COL23A1: variants seen among roughly 807,000 people sequenced by gnomAD.
COL23A1 encodes the protein collagen alpha-1(XXIII) chain.
In COL23A1, 97 loss-of-function variants were observed where a neutral mutation model predicts 99.3. The ratio of observed to expected loss-of-function variants is 0.98; its 90% CI spans 0.83 to 1.16. COL23A1 has a LOEUF of 1.16. Ranked by LOEUF, COL23A1 falls within the 50% of genes most tolerant of loss-of-function variation. The pLI, the probability that COL23A1 is intolerant of heterozygous loss-of-function variation, is 0.00. For synonymous variants in COL23A1, 320 were observed against 308.2 expected (o/e 1.04, Z -0.40); for missense variants, 762 against 757.4 (o/e 1.01, Z -0.07).
chr5:178,383,733 GC>G (rs912572261), intron 2 of COL23A1, among the ~76,000 whole-genome samples: 29 of 152,186 alleles, frequency 1.9e-4, no homozygotes, highest in Non-Finnish European at 2.9e-4. Context: ...TTAGCCGGGA[GC>G]CCCCTGGGGT....
rs566725717 is a variant in COL23A1 at position 178,527,548 on chromosome 5, C to A, written c.361+33134G>T. Among the ~76,000 whole-genome samples the A allele has an allele frequency of 3.7e-4, 56 of 152,360 alleles. No individual in the cohort carries two copies. In the South Asian group the frequency reaches 0.011, roughly 31 times the overall value. On this transcript the variant is annotated intron_variant, in intron 2 of 28. Coordinates refer to ENST00000390654, the MANE Select transcript of COL23A1 (RefSeq NM_173465.4). ...GCCCGGGTGGATGGTGTGTCCCAAG[C>A]TTGCCTGGGCACAGCACCACGTACA... is the stretch of plus-strand genomic sequence containing the variant.
intron 2 of COL23A1, among the ~76,000 whole-genome samples, chr5:178,364,512 C>T (rs1762357415): frequency 6.7e-6 from 1 of 149,094 alleles, no homozygotes; most frequent in Non-Finnish European, 1.5e-5. Flanking sequence ...GGAGCTTGTT[C>T]ATCTGGTGGA....
intron 2 of COL23A1, among the ~76,000 whole-genome samples, chr5:178,545,073 G>GTCC (rs1180022631): frequency 6.6e-6 from 1 of 151,738 alleles, no homozygotes; most frequent in Non-Finnish European, 1.5e-5. Context: ...AACCGAGTGA[G>GTCC]ATCCTGACTC....
chr5:178,448,828 A>G (rs1767318080), intron 2 of COL23A1, among the ~76,000 whole-genome samples: 1 of 151,726 alleles, frequency 6.6e-6, no homozygotes, highest in African/African-American at 2.4e-5. Flanking sequence ...ACCTCACCCC[A>G]CGAGGATCAG....
intron 2 of COL23A1, among the ~76,000 whole-genome samples, chr5:178,480,783 G>A (rs991866035): frequency 6.6e-6 from 1 of 152,136 alleles, no homozygotes; most frequent in African/African-American, 2.4e-5. Flanking sequence ...CTTTTCACAG[G>A]TTGGACTGTG....
chr5:178,281,015 T>G lies in COL23A1; in HGVS notation c.441+7309A>C, dbSNP rs1226486395. Reference sequence around the variant, plus strand: ...GACAAGAGGCTGGACTCAAGAGACTTAGGGCCCTGGGGAGAACGGCCAGCA... The same window carrying G: ...GACAAGAGGCTGGACTCAAGAGACTGAGGGCCCTGGGGAGAACGGCCAGCA... On this transcript the variant is annotated intron_variant, in intron 5 of 28. Coordinates refer to ENST00000390654, the MANE Select transcript of COL23A1 (RefSeq NM_173465.4). The surrounding 1 kb of genome is among the most constrained non-coding windows in gnomAD (Gnocchi z 4.0). Among the ~76,000 whole-genome samples the G allele has an allele frequency of 6.6e-6, 1 of 152,076 alleles. No individual in the cohort carries two copies. Among genetic ancestry groups the G allele is most frequent in the African/African-American group, 2.4e-5 (1 of 41,426 alleles).
intron 2 of COL23A1, among the ~76,000 whole-genome samples, chr5:178,530,083 G>A (rs480768): frequency 0.026 from 4,023 of 152,282 alleles, 172 homozygotes; most frequent in African/African-American, 0.091. Context: ...TCAGCGTGAA[G>A]GAATAGGAAC....
intron 13 of COL23A1, among the ~76,000 whole-genome samples, chr5:178,257,310 G>A (rs931137210): frequency 3.3e-5 from 5 of 152,204 alleles, no homozygotes; most frequent in African/African-American, 1.2e-4. Flanking sequence ...GAAACAAGAG[G>A]GCTTGAGGGA....
At chr5:178,319,832 G>A (rs1434057604) in intron 2 of COL23A1, among the ~76,000 whole-genome samples, 1 of 152,208 alleles carries the variant, frequency 6.6e-6, no homozygotes, top group Non-Finnish European at 1.5e-5. Flanking sequence ...GTCAGTCTTA[G>A]GCAAACTGGA....
Position 178,310,286 on chromosome 5 carries a change from G to T in COL23A1, c.362-3367C>A, listed in dbSNP as rs533570462. Reference sequence around the variant, plus strand: ...GGAGCCGCAGGAGTGGGGGCAGGACGGACGGCCTCTCCTGAGTCTCTGGAC... The same window carrying T: ...GGAGCCGCAGGAGTGGGGGCAGGACTGACGGCCTCTCCTGAGTCTCTGGAC... On this transcript the variant is annotated intron_variant, in intron 2 of 28. Coordinates refer to ENST00000390654, the MANE Select transcript of COL23A1 (RefSeq NM_173465.4). The surrounding 1 kb of genome is among the most constrained non-coding windows in gnomAD (Gnocchi z 4.3). Among the ~76,000 whole-genome samples the T allele has an allele frequency of 2.6e-5, 4 of 152,196 alleles. No individual in the cohort carries two copies. The highest frequency in any genetic ancestry group is 5.9e-5 in the Non-Finnish European group (4 of 68,044).
intron 12 of COL23A1, among the ~76,000 whole-genome samples, chr5:178,258,396 T>G (rs1765445219): frequency 3.0e-5 from 3 of 100,216 alleles, no homozygotes; most frequent in African/African-American, 1.1e-4. Context: ...TGGGAGAGGT[T>G]TTTTTTTTTT....
intron 3 of COL23A1, among the ~76,000 whole-genome samples, chr5:178,295,302 A>T (rs1757681757): frequency 6.6e-6 from 1 of 152,254 alleles, no homozygotes; most frequent in Non-Finnish European, 1.5e-5. Context: ...AGTAGAAACA[A>T]GATATCCAAA....
At chr5:178,416,319 C>A (rs1765307173) in intron 2 of COL23A1, among the ~76,000 whole-genome samples, 1 of 152,138 alleles carries the variant, frequency 6.6e-6, no homozygotes, top group Admixed American at 6.5e-5. Context: ...AAGAGACAGC[C>A]CTGCAGCTGG....
intron 1 of COL23A1, chr5:178,561,760 A>C (rs1762571226): frequency 5.6e-6 from 1 of 179,252 alleles, no homozygotes; most frequent in Non-Finnish European, 1.2e-5. Flanking sequence ...CCACCATGAG[A>C]ACCGAGGGCT....
At chr5:178,351,697 C>T (rs149220850) in intron 2 of COL23A1, among the ~76,000 whole-genome samples, 61 of 152,312 alleles carry the variant, frequency 4.0e-4, no homozygotes, top group African/African-American at 1.4e-3. Context: ...TCTTGGTGCA[C>T]AGCCTCTGGG....
At position 178,590,183 on chromosome 5, in the gene COL23A1, C is replaced by A; in HGVS notation, c.15G>T (p.Glu5Asp). ...CCGCGTCGCCGCCGCCACCGGCGCG[C>A]TCGCCTGGGCCCATGGCGCGTTCGT... MGPG[E>D]RAGGGGDAGK... The change falls in exon 1 of 29, where the codon GAG becomes GAT. Residue 5 changes from glutamate to aspartate, a missense_variant. Coordinates refer to ENST00000390654, the MANE Select transcript of COL23A1 (RefSeq NM_173465.4). The surrounding 1 kb of genome is among the most constrained non-coding windows in gnomAD (Gnocchi z 5.7). 2 of 1,217,818 alleles carry A rather than the reference C, an allele frequency of 1.6e-6. No homozygotes were observed. 75.4% of individuals were successfully genotyped at this position (1,217,818 alleles called of 1,614,324 possible). A position where few individuals can be genotyped will look rare whatever the true frequency, so the allele number is the denominator to read the frequency against.
chr5:178,264,749 C>T (rs950190689), intron 8 of COL23A1, among the ~76,000 whole-genome samples: 35 of 152,294 alleles, frequency 2.3e-4, no homozygotes, highest in South Asian at 4.1e-4. Flanking sequence ...CTCCACCTCC[C>T]GGGTTCAAGC....
At chr5:178,337,505 C>A (rs541605630) in intron 2 of COL23A1, among the ~76,000 whole-genome samples, 1 of 152,330 alleles carries the variant, frequency 6.6e-6, no homozygotes, top group Admixed American at 6.5e-5. Flanking sequence ...AGGCTCTCCA[C>A]ACATCCAGAG....
chr5:178,356,955 C>G (rs1296475720), intron 2 of COL23A1, among the ~76,000 whole-genome samples: 1 of 152,328 alleles, frequency 6.6e-6, no homozygotes, highest in South Asian at 2.1e-4. Context: ...AAAAAAAAGT[C>G]TAACACAAAG....
Sources: gnomAD v4.1 joint callset for allele counts (sites outside exome capture counted in the v4.1 genomes callset) on GRCh38, gnomAD v4.1.1 for gene constraint, Gnocchi (gnomAD v3.1) non-coding constraint, MANE v1.5 for transcripts, NCBI Gene and HGNC (gene_info 2026-07-23, HGNC 2026-07-21) for gene names.